The following NRXN3 variants were observed in gnomAD, a reference collection of about 807,000 sequenced individuals.
The protein encoded by NRXN3 is neurexin 3.
Under a neutral mutation model 137.6 loss-of-function variants are expected in NRXN3, and 32 were observed. That is an observed-to-expected ratio of 0.23 (90% CI 0.18 to 0.31). The LOEUF (loss-of-function observed/expected upper bound fraction) is 0.31. Among genes scored for constraint, NRXN3 ranks in the 10% least tolerant of loss-of-function variants. The pLI, the probability that NRXN3 is intolerant of heterozygous loss-of-function variation, is 1.00. For missense variants in NRXN3, 1,574 were observed against 2,062.5 expected (o/e 0.76, Z 4.59); for synonymous variants, 798 against 784.5 (o/e 1.02, Z -0.29).
At chr14:78,366,584 A>G (rs1030864305) in intron 4 of NRXN3, among the ~76,000 whole-genome samples, 1 of 152,186 alleles carries the variant, frequency 6.6e-6, no homozygotes, top group Non-Finnish European at 1.5e-5. Flanking sequence ...GGGAAGAAAA[A>G]GAGTCTTATG....
chr14:78,598,977 G>A (rs1358652238), intron 4 of NRXN3, among the ~76,000 whole-genome samples: 2 of 152,204 alleles, frequency 1.3e-5, no homozygotes, highest in Admixed American at 6.5e-5. Flanking sequence ...GTTGGGCTCA[G>A]GCAGAGAGTT....
intron 4 of NRXN3, among the ~76,000 whole-genome samples, chr14:78,448,313 G>T (rs2094469786): frequency 6.6e-6 from 1 of 152,192 alleles, no homozygotes; most frequent in African/African-American, 2.4e-5. Context: ...TTGGAATGCA[G>T]GATGAATATT....
chr14:79,242,828 A>T (rs1211084919), intron 15 of NRXN3, among the ~76,000 whole-genome samples: 1 of 152,204 alleles, frequency 6.6e-6, no homozygotes, highest in Non-Finnish European at 1.5e-5. Context: ...CTTGCAGTTC[A>T]TTCATTACAT....
chr14:78,830,557 C>T (rs886288805), intron 10 of NRXN3, among the ~76,000 whole-genome samples: 2 of 151,810 alleles, frequency 1.3e-5, no homozygotes, highest in African/African-American at 4.8e-5. Context: ...GGTTTTTACT[C>T]TTTTTTTAAA....
chr14:78,731,193 C>T (rs1213733156), intron 8 of NRXN3, among the ~76,000 whole-genome samples: 1 of 152,058 alleles, frequency 6.6e-6, no homozygotes, highest in Non-Finnish European at 1.5e-5. Context: ...TTTGGTAGGA[C>T]TGTTATTCTG....
At chr14:79,250,513 T>C (rs1052987618) in intron 15 of NRXN3, among the ~76,000 whole-genome samples, 3 of 152,216 alleles carry the variant, frequency 2.0e-5, no homozygotes, top group Admixed American at 2.0e-4. Flanking sequence ...CAAGTCACTA[T>C]GAGTATTATT....
chr14:79,659,516 A>T (rs1049428152), intron 16 of NRXN3, among the ~76,000 whole-genome samples: 1 of 152,178 alleles, frequency 6.6e-6, no homozygotes, highest in African/African-American at 2.4e-5. Context: ...TATTTTCACA[A>T]TATGTCTTGA....
intron 15 of NRXN3, among the ~76,000 whole-genome samples, chr14:79,425,998 G>GGAGAGAGA (rs377144359): frequency 6.7e-6 from 1 of 149,466 alleles, no homozygotes; most frequent in Admixed American, 6.7e-5. Flanking sequence ...GGAGAGAAGG[G>GGAGAGAGA]GAGAGAGAGA....
At chr14:78,811,760 T>C (rs781027969) in intron 10 of NRXN3, among the ~76,000 whole-genome samples, 1 of 152,296 alleles carries the variant, frequency 6.6e-6, no homozygotes, top group South Asian at 2.1e-4. Flanking sequence ...GGGGCAAATG[T>C]TCCATCTAAG....
chr14:78,384,653 C>T (rs1439983418), intron 4 of NRXN3, among the ~76,000 whole-genome samples: 2 of 152,182 alleles, frequency 1.3e-5, no homozygotes, highest in Non-Finnish European at 2.9e-5. Flanking sequence ...CCCTGCTCAG[C>T]CTTCCTATTC....
At chr14:79,810,961 T>G (rs1174654013) in intron 20 of NRXN3, among the ~76,000 whole-genome samples, 1 of 152,226 alleles carries the variant, frequency 6.6e-6, no homozygotes, top group Non-Finnish European at 1.5e-5. Context: ...TTTTGTCATT[T>G]GTGTCTTTGT....
intron 16 of NRXN3, among the ~76,000 whole-genome samples, chr14:79,612,971 A>T (rs2098119969): frequency 6.6e-6 from 1 of 152,238 alleles, no homozygotes; most frequent in African/African-American, 2.4e-5. Context: ...CTTTTCTAAC[A>T]GTCAAGCTGG....
intron 6 of NRXN3, among the ~76,000 whole-genome samples, chr14:78,706,466 G>A (rs934209794): frequency 6.6e-6 from 1 of 152,158 alleles, no homozygotes; most frequent in Admixed American, 6.5e-5. Flanking sequence ...TTAAAGATAA[G>A]CCTCACAGGT....
At chr14:78,934,819 G>A (rs2099330914) in intron 10 of NRXN3, among the ~76,000 whole-genome samples, 1 of 151,992 alleles carries the variant, frequency 6.6e-6, no homozygotes, top group Non-Finnish European at 1.5e-5. Flanking sequence ...GTGGGGTGGG[G>A]GGAGTGGGGA....
intron 15 of NRXN3, among the ~76,000 whole-genome samples, chr14:79,025,568 T>A (rs1041136997): frequency 6.6e-6 from 1 of 152,184 alleles, no homozygotes; most frequent in African/African-American, 2.4e-5. Context: ...CCCTCTACCG[T>A]GAAATTTATT....
chr14:79,533,598 C>T (rs557738473), intron 16 of NRXN3, among the ~76,000 whole-genome samples: 10 of 152,104 alleles, frequency 6.6e-5, no homozygotes, highest in Non-Finnish European at 1.0e-4. Context: ...CATGTAAGAG[C>T]ATTTTGGTGT....
At chr14:79,005,311 G>A (rs1186633232) in intron 15 of NRXN3, among the ~76,000 whole-genome samples, 1 of 152,138 alleles carries the variant, frequency 6.6e-6, no homozygotes, top group Non-Finnish European at 1.5e-5. Flanking sequence ...CATGTACTTG[G>A]CAATTACTTC....
rs542821871 is a variant in NRXN3, at chr14:78,857,990, T to C, written c.2275+47646T>C. On this transcript the variant is annotated intron_variant, in intron 10 of 20. Transcript: ENST00000335750. ...TCTACTCAGCTTTTCCGGGGATGGT[T>C]AGGGCTTCTACAGATAGGAAGTAGA... Among the ~76,000 whole-genome samples the C allele has an allele frequency of 2.8e-4, 43 of 152,286 alleles. No homozygotes were observed. The South Asian group carries it at 8.9e-3, about 32-fold the overall frequency.
At chr14:79,367,037 G>T (rs1031916170) in intron 15 of NRXN3, among the ~76,000 whole-genome samples, 10 of 137,072 alleles carry the variant, frequency 7.3e-5, no homozygotes, top group Non-Finnish European at 1.4e-4. Context: ...AGGCTGGAGT[G>T]CAGTGGCGCA....
Sources: allele counts gnomAD v4.1 joint callset (sites outside exome capture counted in the v4.1 genomes callset), GRCh38; gene constraint gnomAD v4.1.1; transcripts MANE v1.5; gene names NCBI Gene and HGNC (gene_info 2026-07-23, HGNC 2026-07-21).